ASTN1: variants seen among roughly 807,000 people sequenced by gnomAD.
The protein encoded by ASTN1 is astrotactin-1.
ASTN1 carries 41 observed loss-of-function variants against 140.7 expected under a neutral mutation model. The ratio of observed to expected loss-of-function variants is 0.29; its 90% CI spans 0.23 to 0.38. The LOEUF is 0.38. Ranked by LOEUF, ASTN1 falls within the 10% of genes least tolerant of loss-of-function variation. ASTN1 has a pLI of 1.00. For missense variants in ASTN1, 1,479 were observed against 1,678.8 expected, an observed-to-expected ratio of 0.88 and a Z score of 2.08; for synonymous variants, 640 against 652.2, an observed-to-expected ratio of 0.98 and a Z score of 0.29.
intron 16 of ASTN1, among the ~76,000 whole-genome samples, chr1:176,902,576 T>G (rs1669815278): frequency 1.3e-5 from 2 of 152,312 alleles, no homozygotes; most frequent in Middle Eastern, 3.4e-3. Flanking sequence ...CAAAAGGTGT[T>G]AGTCAGCATT....
At chr1:177,072,600 A>C (rs932647352) in intron 1 of ASTN1, among the ~76,000 whole-genome samples, 2 of 152,196 alleles carry the variant, frequency 1.3e-5, no homozygotes, top group African/African-American at 2.4e-5. Context: ...GCTGAGAATA[A>C]CATACATTGA....
At chr1:177,005,845 G>A (rs1392040732) in intron 8 of ASTN1, among the ~76,000 whole-genome samples, 1 of 152,192 alleles carries the variant, frequency 6.6e-6, no homozygotes, top group Non-Finnish European at 1.5e-5. Flanking sequence ...CTGATGTCAG[G>A]TGTTCCACTC....
chr1:176,963,775 G>A (rs975216172), intron 9 of ASTN1, among the ~76,000 whole-genome samples: 1 of 152,116 alleles, frequency 6.6e-6, no homozygotes, highest in Admixed American at 6.5e-5. Flanking sequence ...TCTTTATCAC[G>A]CTTTGAAGTC....
chr1:177,103,456 C>A (rs1166509763), intron 1 of ASTN1, among the ~76,000 whole-genome samples: 1 of 152,060 alleles, frequency 6.6e-6, no homozygotes, highest in African/African-American at 2.4e-5. Context: ...TTGACTGAAG[C>A]CACACTGGGG....
intron 1 of ASTN1, among the ~76,000 whole-genome samples, chr1:177,149,643 TATATATACACTGTATATATATAGTAA>T: frequency 1.2e-5 from 1 of 86,662 alleles, no homozygotes; most frequent in African/African-American, 7.1e-5. Flanking sequence ...ATATAGTAAA[TATATATACACTGTATATATATAGTAA>T]ATATATATAC....
intron 8 of ASTN1, among the ~76,000 whole-genome samples, chr1:176,974,544 C>A (rs1340100269): frequency 1.3e-5 from 2 of 152,060 alleles, no homozygotes; most frequent in African/African-American, 2.4e-5. Flanking sequence ...CTCCACCAGG[C>A]CCGGCTAATT....
intron 2 of ASTN1, among the ~76,000 whole-genome samples, chr1:177,044,954 A>C (rs1322081993): frequency 6.6e-6 from 1 of 152,174 alleles, no homozygotes; most frequent in Non-Finnish European, 1.5e-5. Context: ...AGAGAAAAAC[A>C]GGGGAGGGAG....
At chr1:176,960,714 C>A (rs1168559122) in intron 9 of ASTN1, among the ~76,000 whole-genome samples, 2 of 152,212 alleles carry the variant, frequency 1.3e-5, no homozygotes, top group Admixed American at 1.3e-4. Context: ...CTGGGTCACC[C>A]TCTGCCCTTA....
At chr1:177,038,204 A>C (rs1676815866) in intron 2 of ASTN1, among the ~76,000 whole-genome samples, 1 of 152,210 alleles carries the variant, frequency 6.6e-6, no homozygotes, top group Non-Finnish European at 1.5e-5. Flanking sequence ...CTTCAAAGTC[A>C]GTTCAGTGAC....
chr1:176,895,384 C>T (rs1045223467), intron 16 of ASTN1, among the ~76,000 whole-genome samples: 27 of 152,264 alleles, frequency 1.8e-4, no homozygotes, highest in African/African-American at 5.5e-4. Context: ...CTCTGCATGG[C>T]GTTCTATCAT....
intron 11 of ASTN1, among the ~76,000 whole-genome samples, chr1:176,954,671 A>G (rs1230033838): frequency 1.3e-5 from 2 of 152,216 alleles, no homozygotes; most frequent in Non-Finnish European, 2.9e-5. Flanking sequence ...CCAGTAAGGA[A>G]CACAGCTCTT....
intron 16 of ASTN1, among the ~76,000 whole-genome samples, chr1:176,912,907 T>C (rs1298858333): frequency 2.0e-5 from 3 of 152,250 alleles, no homozygotes; most frequent in Admixed American, 6.5e-5. Flanking sequence ...TAATAAGCTC[T>C]ACTTTTCAGA....
intron 1 of ASTN1, among the ~76,000 whole-genome samples, chr1:177,117,414 A>G (rs984463291): frequency 6.6e-6 from 1 of 152,198 alleles, no homozygotes; most frequent in Non-Finnish European, 1.5e-5. Flanking sequence ...AAGCCCTGGT[A>G]GAATCCCACC....
intron 18 of ASTN1, among the ~76,000 whole-genome samples, chr1:176,885,057 G>A (rs1668977270): frequency 6.6e-6 from 1 of 152,164 alleles, no homozygotes; most frequent in Non-Finnish European, 1.5e-5. Flanking sequence ...GCTGGACCTT[G>A]GAACAGGTTC....
intron 2 of ASTN1, among the ~76,000 whole-genome samples, chr1:177,050,643 G>C (rs80354673): frequency 0.067 from 10,186 of 152,182 alleles, 444 homozygotes; most frequent in South Asian, 0.13. Context: ...ACACAGGTAA[G>C]CCATTTAACA....
intron 22 of ASTN1, among the ~76,000 whole-genome samples, chr1:176,868,618 A>AT (rs972889495): frequency 6.6e-6 from 1 of 152,098 alleles, no homozygotes; most frequent in African/African-American, 2.4e-5. Flanking sequence ...CAAGAGCAAA[A>AT]TTTTTTTTCA....
rs529853380 is a variant in ASTN1, at chr1:177,009,533, A to G, written c.1523+5258T>C. ...TCCTTATAAAGATATAGATTCCCTA[A>G]GCAGTCACTCCTGAGCGGGTGAGAA... On this transcript the variant is annotated intron_variant, in intron 8 of 22. Transcript: ENST00000361833. 5.9e-4 allele frequency among the ~76,000 whole-genome samples: 90 copies of G among 152,324 alleles called. 2 individuals carry two copies. The highest frequency in any genetic ancestry group is 6.8e-3 in the Middle Eastern group (2 of 294).
downstream of ASTN1, among the ~76,000 whole-genome samples, chr1:176,857,860 C>T (rs146612902): frequency 2.7e-4 from 41 of 152,266 alleles, no homozygotes; most frequent in Non-Finnish European, 5.6e-4. Context: ...TCTGTGGGCA[C>T]TTAAGTCCTT....
At chr1:176,870,349 C>T (rs573389852) in intron 21 of ASTN1, among the ~76,000 whole-genome samples, 34 of 152,202 alleles carry the variant, frequency 2.2e-4, no homozygotes, top group Non-Finnish European at 4.1e-4. Context: ...GGTCAAACTT[C>T]CAAGTGACTT....
Sources: gnomAD v4.1 joint callset for allele counts (sites outside exome capture counted in the v4.1 genomes callset) on GRCh38, gnomAD v4.1.1 for gene constraint, MANE v1.5 for transcripts, NCBI Gene and HGNC (gene_info 2026-07-23, HGNC 2026-07-21) for gene names.